POLR3G: variants seen among roughly 807,000 people sequenced by gnomAD.
POLR3G encodes the protein DNA-directed RNA polymerase III subunit RPC7.
A neutral mutation model predicts 30.1 loss-of-function variants in POLR3G; 28 were observed. The ratio of observed to expected loss-of-function variants is 0.93; its 90% CI spans 0.69 to 1.27. POLR3G has a LOEUF of 1.27. Among genes scored for constraint, POLR3G ranks in the 50% most tolerant of loss-of-function variants. The pLI is 0.00. For missense variants in POLR3G, 254 were observed against 264.6 expected (o/e 0.96, Z 0.28); for synonymous variants, 79 against 82.5 (o/e 0.96, Z 0.23).
chr5:90,507,211 A>C (rs1000577383), intron 7 of POLR3G, among the ~76,000 whole-genome samples: 2 of 152,202 alleles, frequency 1.3e-5, no homozygotes, highest in Non-Finnish European at 2.9e-5. Flanking sequence ...GGAGTCAATC[A>C]GGTATTTTTA....
At chr5:90,497,443 A>G (rs752797196) in intron 4 of POLR3G, among the ~76,000 whole-genome samples, 19 of 152,158 alleles carry the variant, frequency 1.2e-4, no homozygotes, top group Non-Finnish European at 2.4e-4. Flanking sequence ...TTTCAGAGCT[A>G]TTGTAATAAA....
At chr5:90,482,592 G>A (rs1367791748) in intron 1 of POLR3G, among the ~76,000 whole-genome samples, 4 of 152,176 alleles carry the variant, frequency 2.6e-5, no homozygotes, top group Non-Finnish European at 4.4e-5. Flanking sequence ...GAGTCATGCA[G>A]CTGGAGGCTA....
chr5:90,486,510 C>A (rs545619931), intron 2 of POLR3G, among the ~76,000 whole-genome samples: 33 of 152,334 alleles, frequency 2.2e-4, no homozygotes, highest in African/African-American at 7.7e-4. Flanking sequence ...GTCTCTCTGA[C>A]CCTTTTTCTA....
At chr5:90,506,468 A>G in intron 6 of POLR3G, 60 bp from the exon 7 acceptor site, 1 of 1,559,210 alleles carries the variant, frequency 6.4e-7, no homozygotes, top group Non-Finnish European at 8.7e-7. Context: ...CTTAAGGCTA[A>G]GCAGGGAAGT....
At chr5:90,494,578 A>G (rs1012811833) in intron 3 of POLR3G, among the ~76,000 whole-genome samples, 2 of 151,934 alleles carry the variant, frequency 1.3e-5, no homozygotes, top group African/African-American at 4.8e-5. Flanking sequence ...TATTCTAGCC[A>G]TCCTAGTGGT....
chr5:90,487,337 A>C (rs1483005514), intron 2 of POLR3G, among the ~76,000 whole-genome samples: 2 of 124,200 alleles, frequency 1.6e-5, no homozygotes, highest in Non-Finnish European at 3.3e-5. Context: ...AGCTGCTCTC[A>C]TTTGGGTACC....
intron 6 of POLR3G, among the ~76,000 whole-genome samples, chr5:90,505,123 G>A (rs1018827035): frequency 3.3e-5 from 5 of 152,256 alleles, no homozygotes; most frequent in East Asian, 3.9e-4. Context: ...AAAGATAAGC[G>A]TTTAAGAACC....
chr5:90,497,880 A>AGGATC (rs1752065417), intron 5 of POLR3G, 174 bp downstream of exon 5: 1 of 754,826 alleles, frequency 1.3e-6, no homozygotes, highest in African/African-American at 1.9e-5. Context: ...CTGAGGTGGG[A>AGGATC]GGATCACTTG....
At chr5:90,508,374 G>A (rs1423374422) in intron 7 of POLR3G, among the ~76,000 whole-genome samples, 1 of 151,012 alleles carries the variant, frequency 6.6e-6, no homozygotes, top group African/African-American at 2.4e-5. Context: ...ATCCTATTTG[G>A]GGCTAACGGC....
chr5:90,512,190 G>A lies in POLR3G; in HGVS notation c.*51G>A, dbSNP rs1247662758. On this transcript the variant is annotated 3_prime_UTR_variant, in exon 8 of 8. Transcript: ENST00000651687. ...TTATGATGCAGCTTCTGAACATTTG[G>A]ACAGACTTGATTTGTATTTTATTTC... 9.0e-7 allele frequency: 1 copy of A among 1,105,086 alleles called. No homozygotes were observed. The highest frequency in any genetic ancestry group is 2.4e-5 in the East Asian group (1 of 42,252). 68.5% of individuals were successfully genotyped at this position (1,105,086 alleles called of 1,614,324 possible).
At chr5:90,496,238 G>T (rs1256162925) in intron 4 of POLR3G, among the ~76,000 whole-genome samples, 1 of 152,154 alleles carries the variant, frequency 6.6e-6, no homozygotes, top group Non-Finnish European at 1.5e-5. Flanking sequence ...AAAGTGCTGG[G>T]ATTACAGGCA....
upstream of POLR3G, chr5:90,474,348 G>A: frequency 6.7e-7 from 1 of 1,500,294 alleles, no homozygotes; most frequent in South Asian, 1.2e-5. Context: ...TCTCCCACAG[G>A]CTGTCCACAC....
intron 7 of POLR3G, among the ~76,000 whole-genome samples, chr5:90,511,177 A>G (rs1027948223): frequency 1.3e-5 from 2 of 152,310 alleles, no homozygotes; most frequent in African/African-American, 2.4e-5. Flanking sequence ...AATCCTAGGC[A>G]TCGTATCATT....
intron 4 of POLR3G, among the ~76,000 whole-genome samples, chr5:90,497,322 A>G (rs1752042523): frequency 6.6e-6 from 1 of 152,178 alleles, no homozygotes; most frequent in South Asian, 2.1e-4. Context: ...AAACTTATGA[A>G]ATATAAAGTG....
At position 90,478,569 on chromosome 5, in the gene POLR3G, C is replaced by CTTTTTTTTTTTTTTTTTTT. The variant is rs773881344; in HGVS notation, c.-44+3566_-44+3567insTTTTTTTTTTTTTTTTTTT. 2.1e-3 allele frequency among the ~76,000 whole-genome samples: 167 copies of CTTTTTTTTTTTTTTTTTTT among 79,292 alleles called. 44 individuals carry two copies. Among genetic ancestry groups the CTTTTTTTTTTTTTTTTTTT allele is most frequent in the African/African-American group, 5.7e-3 (112 of 19,792 alleles). 52.0% of individuals were successfully genotyped at this position (79,292 alleles called of 152,430 possible). ...AATGGGAGGTTTAATCTGCGTGGTT[C>CTTTTTTTTTTTTTTTTTTT]TTTTTTTTTTTTTTTTTGAGAGGGA... On this transcript the variant is annotated intron_variant, in intron 1 of 7. Transcript: ENST00000651687.
At chr5:90,505,967 G>A (rs758683629) in intron 6 of POLR3G, among the ~76,000 whole-genome samples, 1 of 152,104 alleles carries the variant, frequency 6.6e-6, no homozygotes, top group Non-Finnish European at 1.5e-5. Context: ...AGGTACTGTG[G>A]CTCATGCCTG....
intron 1 of POLR3G, among the ~76,000 whole-genome samples, chr5:90,476,655 G>C (rs150416317): frequency 0.012 from 1,872 of 152,296 alleles, 49 homozygotes; most frequent in African/African-American, 0.042. Flanking sequence ...TTGGCCTTTT[G>C]CTAGGCTTTC....
chr5:90,511,921 C>A (rs548121103), intron 7 of POLR3G, 132 bp from the exon 8 acceptor site: 1 of 624,286 alleles, frequency 1.6e-6, no homozygotes, highest in South Asian at 2.0e-5. Context: ...AGGAAGAAAG[C>A]GGCACAGGTA....
At chr5:90,507,276 C>T (rs1752530702) in intron 7 of POLR3G, among the ~76,000 whole-genome samples, 1 of 152,114 alleles carries the variant, frequency 6.6e-6, no homozygotes, top group Non-Finnish European at 1.5e-5. Context: ...CACCTCAGAC[C>T]GTAACCCTAG....
Sources: allele counts gnomAD v4.1 joint callset (sites outside exome capture counted in the v4.1 genomes callset), GRCh38; gene constraint gnomAD v4.1.1; transcripts MANE v1.5; gene names NCBI Gene and HGNC (gene_info 2026-07-23, HGNC 2026-07-21).